The following HS6ST2 variants were observed in gnomAD, a reference collection of about 807,000 sequenced individuals.
HS6ST2 encodes the protein heparan sulfate 6-O-sulfotransferase 2, also known as heparan-sulfate 6-O-sulfotransferase 2.
Under a neutral mutation model 33.0 loss-of-function variants are expected in HS6ST2, and 17 were observed. That is an observed-to-expected ratio of 0.52 (90% CI 0.35 to 0.77). HS6ST2 has a LOEUF of 0.77. HS6ST2 is among the 30% of genes least tolerant of loss of function. HS6ST2 has a pLI of 0.01. For missense variants in HS6ST2, 519 were observed against 551.7 expected (o/e 0.94, Z 0.59); for synonymous variants, 248 against 237.1 (o/e 1.05, Z -0.42).
intron 2 of HS6ST2, among the ~76,000 whole-genome samples, chrX:132,781,641 G>T: frequency 9.0e-6 from 1 of 111,555 alleles, no homozygotes; most frequent in Non-Finnish European, 1.9e-5. Flanking sequence ...AGTTCCACAT[G>T]GCTGGGGAGG....
chrX:132,837,577 C>G (rs1269129276), intron 2 of HS6ST2, among the ~76,000 whole-genome samples: 1 of 111,793 alleles, frequency 8.9e-6, no homozygotes, highest in Non-Finnish European at 1.9e-5. Flanking sequence ...AACAGGAACC[C>G]TGTGTGGCAG....
At chrX:132,933,131 C>T (rs2066792180) in intron 2 of HS6ST2, among the ~76,000 whole-genome samples, 1 of 109,139 alleles carries the variant, frequency 9.2e-6, no homozygotes, top group African/African-American at 3.3e-5. Context: ...GTATGGAGAC[C>T]AGCCTGGCCA....
intron 3 of HS6ST2, among the ~76,000 whole-genome samples, chrX:132,707,151 C>G (rs984668430): frequency 8.9e-6 from 1 of 112,179 alleles, no homozygotes; most frequent in Non-Finnish European, 1.9e-5. Flanking sequence ...ATAGTGGTAC[C>G]TATGTTATTG....
chrX:132,956,825 G>T lies in HS6ST2; in HGVS notation c.930C>A (p.Ala310=). The part of the protein sequence containing the change: ...VPSVVDGKRD[A]RLRPSRWRIF... Reference sequence around the variant, plus strand: ...GCACTCACCTGGACGGTCTCAGCCTGGCGTCGCGCTTGCCGTCCACCACGG... The same window carrying T: ...GCACTCACCTGGACGGTCTCAGCCTTGCGTCGCGCTTGCCGTCCACCACGG... Residue 310 remains alanine, a synonymous_variant, in exon 2 of 5, where the codon GCC becomes GCA. Transcript: ENST00000370833. 8.5e-7 allele frequency: 1 copy of T among 1,174,501 alleles called. No individual in the cohort carries two copies. The highest frequency in any genetic ancestry group is 1.1e-6 in the Non-Finnish European group (1 of 876,689).
rs781590334 is a variant in HS6ST2 at position 132,839,813 on chromosome X, T to C, written c.947+116995A>G. Reference sequence around the variant, plus strand: ...GGAAGTGGGAAGATGCAAATGAGTATCCTCTTCAAATTAGAACCTCTGGCC... The same window carrying C: ...GGAAGTGGGAAGATGCAAATGAGTACCCTCTTCAAATTAGAACCTCTGGCC... On this transcript the variant is annotated intron_variant, in intron 2 of 4. Transcript: ENST00000370833. 4.5e-5 allele frequency among the ~76,000 whole-genome samples: 5 copies of C among 110,729 alleles called. No individual in the cohort carries two copies. In the East Asian group the frequency reaches 1.1e-3, roughly 25 times the overall value.
At chrX:132,633,740 A>T (rs896949015) in intron 4 of HS6ST2, among the ~76,000 whole-genome samples, 9 of 111,966 alleles carry the variant, frequency 8.0e-5, no homozygotes, top group Non-Finnish European at 7.5e-5. Context: ...ATTCGAAGAC[A>T]GCATTTACCC....
chrX:132,635,811 T>A (rs927884694), intron 4 of HS6ST2, among the ~76,000 whole-genome samples: 1 of 110,995 alleles, frequency 9.0e-6, no homozygotes, highest in Admixed American at 9.7e-5. Flanking sequence ...ATACCCTATA[T>A]GCTGAATTTT....
chrX:132,646,703 G>A (rs2063646796), intron 4 of HS6ST2, among the ~76,000 whole-genome samples: 1 of 111,191 alleles, frequency 9.0e-6, no homozygotes, highest in Admixed American at 9.5e-5. Flanking sequence ...AGTCAAGGAA[G>A]ACTACTGGTG....
chrX:132,937,380 A>G (rs1176804756), intron 2 of HS6ST2, among the ~76,000 whole-genome samples: 1 of 112,139 alleles, frequency 8.9e-6, no homozygotes, highest in Non-Finnish European at 1.9e-5. Context: ...AAGACCCTGA[A>G]CAGCCGAAGC....
At chrX:132,935,374 T>G (rs776131307) in intron 2 of HS6ST2, among the ~76,000 whole-genome samples, 38 of 111,656 alleles carry the variant, frequency 3.4e-4, no homozygotes, top group South Asian at 7.6e-4. Flanking sequence ...CAACATATTT[T>G]TTTTTCCAGC....
chrX:132,889,484 A>T (rs1215314860), intron 2 of HS6ST2, among the ~76,000 whole-genome samples: 2 of 111,290 alleles, frequency 1.8e-5, no homozygotes, highest in Admixed American at 9.6e-5. Context: ...CGGTATGAAG[A>T]TCAATGAGTC....
At chrX:132,739,591 T>G (rs949850982) in intron 2 of HS6ST2, among the ~76,000 whole-genome samples, 1 of 109,161 alleles carries the variant, frequency 9.2e-6, no homozygotes, top group Non-Finnish European at 1.9e-5. Flanking sequence ...GCTGGGTGCC[T>G]GTAATCTCAG....
chrX:132,794,368 G>A (rs895056878), intron 2 of HS6ST2, among the ~76,000 whole-genome samples: 1 of 110,960 alleles, frequency 9.0e-6, no homozygotes, highest in African/African-American at 3.3e-5. Flanking sequence ...TTTAGACTTC[G>A]GAAATGCTTT....
chrX:132,833,616 T>A (rs192339080), intron 2 of HS6ST2, among the ~76,000 whole-genome samples: 27 of 110,766 alleles, frequency 2.4e-4, no homozygotes, highest in Non-Finnish European at 4.9e-4. Context: ...CCTGTAAAAA[T>A]CTAGTCCCCA....
At chrX:132,778,650 C>T (rs181270407) in intron 2 of HS6ST2, among the ~76,000 whole-genome samples, 252 of 110,375 alleles carry the variant, frequency 2.3e-3, no homozygotes, top group Admixed American at 4.4e-3. Context: ...GTGATCTGCC[C>T]GCCTCAGCCT....
Position 132,628,852 on chromosome X carries a change from G to A in HS6ST2, c.1309C>T (p.Leu437=). The stretch of plus-strand genomic sequence containing the variant: ...AGGTTGTAGCAGCCTACCAGGGTCA[G>A]GTCGGAGAGCATGCGCACCTGGCGG... ...NNRQVRMLSD[L]TLVGCYNLSV... is the part of the protein sequence containing the mutation. Residue 437 remains leucine (L), a synonymous_variant, in exon 5 of 5, where the codon CTG becomes TTG. Coordinates refer to ENST00000370833, the MANE Select transcript of HS6ST2 (RefSeq NM_001394073.1). The A allele has an allele frequency of 8.3e-7, 1 of 1,211,826 alleles. No individual in the cohort carries two copies. Among genetic ancestry groups the A allele is most frequent in the Non-Finnish European group, 1.1e-6 (1 of 895,492 alleles).
intron 2 of HS6ST2, among the ~76,000 whole-genome samples, chrX:132,815,003 G>A (rs1179049552): frequency 1.8e-5 from 2 of 111,488 alleles, no homozygotes; most frequent in African/African-American, 6.5e-5. Context: ...TTTATTTGGG[G>A]CACTTCCTGT....
In HS6ST2 at chrX:132,789,472, C is replaced by G. The variant is rs185077434; in HGVS notation, c.948-80978G>C. Among the ~76,000 whole-genome samples the G allele has an allele frequency of 2.7e-3, 298 of 111,514 alleles. 1 individual carries two copies. The highest frequency in any genetic ancestry group is 9.2e-3 in the African/African-American group (282 of 30,792). On this transcript the variant is annotated intron_variant, in intron 2 of 4. Coordinates refer to ENST00000370833, the MANE Select transcript of HS6ST2 (RefSeq NM_001394073.1). ...CTGAGAGCTCTCATGGAGATCTACACAGAGCTCTACAAAGAGATCAATGTT... is the reference window on the plus strand; with the variant it reads ...CTGAGAGCTCTCATGGAGATCTACAGAGAGCTCTACAAAGAGATCAATGTT...
chrX:132,783,047 A>G (rs1207373685), intron 2 of HS6ST2, among the ~76,000 whole-genome samples: 1 of 111,976 alleles, frequency 8.9e-6, no homozygotes, highest in African/African-American at 3.2e-5. Flanking sequence ...GAGGTGAAGT[A>G]AAAGAAGCAT....
Sources: allele counts gnomAD v4.1 joint callset (sites outside exome capture counted in the v4.1 genomes callset), GRCh38; gene constraint gnomAD v4.1.1; transcripts MANE v1.5; gene names NCBI Gene and HGNC (gene_info 2026-07-23, HGNC 2026-07-21).